SRPK1: variants seen among roughly 807,000 people sequenced by gnomAD.
SRPK1 encodes SRSF protein kinase 1.
SRPK1 carries 52 observed loss-of-function variants against 89.5 expected under a neutral mutation model. The observed-to-expected ratio is 0.58, with a 90% CI of 0.46 to 0.73. The LOEUF (loss-of-function observed/expected upper bound fraction) is 0.73. Among genes scored for constraint, SRPK1 ranks in the 30% least tolerant of loss-of-function variants. SRPK1 has a pLI of 0.00. For synonymous variants in SRPK1, 255 were observed against 270.2 expected, an observed-to-expected ratio of 0.94 and a Z score of 0.55; for missense variants, 603 against 780.6, an observed-to-expected ratio of 0.77 and a Z score of 2.71.
chr6:35,913,419 G>A (rs553015276), intron 2 of SRPK1, among the ~76,000 whole-genome samples: 3 of 152,182 alleles, frequency 2.0e-5, no homozygotes, highest in Admixed American at 1.3e-4. Context: ...ACTCCAACTC[G>A]GGAGGTGGAG....
At chr6:35,902,711 T>C (rs1770769725) in intron 2 of SRPK1, among the ~76,000 whole-genome samples, 1 of 152,250 alleles carries the variant, frequency 6.6e-6, no homozygotes, top group African/African-American at 2.4e-5. Context: ...AAGCTCTTTT[T>C]GATAAACAGC....
chr6:35,884,635 C>T (rs766345692), intron 6 of SRPK1, among the ~76,000 whole-genome samples: 1 of 152,062 alleles, frequency 6.6e-6, no homozygotes, highest in Non-Finnish European at 1.5e-5. Flanking sequence ...TGGCTAAGAA[C>T]AAATGGAGAA....
At chr6:35,886,264 G>A (rs1485778212) in intron 6 of SRPK1, among the ~76,000 whole-genome samples, 1 of 151,856 alleles carries the variant, frequency 6.6e-6, no homozygotes, top group African/African-American at 2.4e-5. Flanking sequence ...TATTTTGGTA[G>A]AAACAGAGTT....
intron 6 of SRPK1, among the ~76,000 whole-genome samples, chr6:35,880,968 C>G (rs1416436147): frequency 6.6e-6 from 1 of 151,832 alleles, no homozygotes; most frequent in Admixed American, 6.6e-5. Flanking sequence ...TCTTCACATA[C>G]AAGGGATCCT....
chr6:35,878,952 G>A (rs1387902489), intron 6 of SRPK1, among the ~76,000 whole-genome samples: 2 of 152,096 alleles, frequency 1.3e-5, no homozygotes, highest in Non-Finnish European at 2.9e-5. Context: ...TTAGCCAGGT[G>A]TGGTGGCATG....
intron 13 of SRPK1, among the ~76,000 whole-genome samples, chr6:35,854,471 C>T (rs1370155781): frequency 2.0e-5 from 3 of 152,032 alleles, no homozygotes; most frequent in Non-Finnish European, 2.9e-5. Flanking sequence ...TTTTCTATGT[C>T]GACTGGCAAA....
At chr6:35,894,653 G>A (rs1770593185) in intron 2 of SRPK1, among the ~76,000 whole-genome samples, 1 of 152,064 alleles carries the variant, frequency 6.6e-6, no homozygotes, top group South Asian at 2.1e-4. Flanking sequence ...AAAGCTAGAA[G>A]GGCAGTAATT....
intron 8 of SRPK1, 52 bp from the exon 9 acceptor site, chr6:35,871,011 A>C: frequency 2.0e-6 from 3 of 1,509,736 alleles, no homozygotes; most frequent in Non-Finnish European, 2.7e-6. Flanking sequence ...CAGGCAATAT[A>C]AACTAAGGCT....
At chr6:35,850,931 C>T (rs546006445) in intron 13 of SRPK1, among the ~76,000 whole-genome samples, 43 of 152,114 alleles carry the variant, frequency 2.8e-4, no homozygotes, top group African/African-American at 8.9e-4. Context: ...ATGAGCTTCA[C>T]AAGACTAGGG....
chr6:35,920,480 T>C lies in SRPK1; in HGVS notation c.62A>G (p.Lys21Arg), dbSNP rs775354220. 12 of 1,613,038 alleles carry C rather than the reference T, an allele frequency of 7.4e-6. No individual in the cohort carries two copies. Among genetic ancestry groups the C allele is most frequent in the African/African-American group, 1.3e-5 (1 of 74,898 alleles). Residue 21 changes from lysine to arginine, a missense_variant, in exon 2 of 16, where the codon AAA becomes AGA. Transcript: ENST00000373825. ...RKKRTKAKKD[K>R]AQRKSETQHR... ...GTACAAGACTCACTTCCTTTGGGCT[T>C]TGTCCTTCTTGGCCTTGGTCCTTTT...
chr6:35,888,246 T>C, intron 4 of SRPK1, 135 bp from the exon 5 acceptor site: 1 of 501,444 alleles, frequency 2.0e-6, no homozygotes, highest in Non-Finnish European at 3.5e-6. Context: ...GCTACTTCTA[T>C]GGGAACATTT....
At chr6:35,920,967 G>A in intron 1 of SRPK1, 77 bp downstream of exon 1, 2 of 1,482,206 alleles carry the variant, frequency 1.3e-6, no homozygotes, top group Non-Finnish European at 1.8e-6. Flanking sequence ...CGGCAGTTAA[G>A]CGAAGCTCCC....
chr6:35,889,422 C>G (rs1011045099), intron 3 of SRPK1, among the ~76,000 whole-genome samples: 1 of 151,476 alleles, frequency 6.6e-6, no homozygotes, highest in Non-Finnish European at 1.5e-5. Flanking sequence ...CCAAGGAGGG[C>G]GGATCATTTG....
chr6:35,877,387 T>C (rs536796408), intron 6 of SRPK1, among the ~76,000 whole-genome samples: 1 of 152,196 alleles, frequency 6.6e-6, no homozygotes, highest in Non-Finnish European at 1.5e-5. Context: ...ACAATGTGAT[T>C]ACCAGGTAGT....
At chr6:35,850,854 G>C (rs1769539362) in intron 13 of SRPK1, among the ~76,000 whole-genome samples, 1 of 152,210 alleles carries the variant, frequency 6.6e-6, no homozygotes, top group Admixed American at 6.5e-5. Flanking sequence ...CATCTCTAAA[G>C]AGATTATGTT....
At position 35,857,264 on chromosome 6, in the gene SRPK1, G is replaced by A. The variant is rs780378379; in HGVS notation, c.1617C>T (p.Cys539=). 4 of 1,609,028 alleles carry A rather than the reference G, an allele frequency of 2.5e-6. No homozygotes were observed. The South Asian group carries it at 3.3e-5, about 13-fold the overall frequency. The change falls in exon 13 of 16, where the codon TGC becomes TGT. Residue 539 remains cysteine, a synonymous_variant. Coordinates refer to ENST00000373825, the MANE Select transcript of SRPK1 (RefSeq NM_003137.5). ...NTPADIWSTA[C]MAFELATGDY... ...AGCCAAGGGGAAAAAACATTACCAT[G>A]CATGCCGTGCTCCAAATGTCAGCAG...
intron 7 of SRPK1, 60 bp from the exon 8 acceptor site, chr6:35,872,788 A>C (rs1770060734): frequency 1.4e-6 from 2 of 1,431,782 alleles, no homozygotes; most frequent in Non-Finnish European, 1.9e-6. Context: ...TGGAGAAGTA[A>C]GAGATTATAA....
intron 11 of SRPK1, 54 bp downstream of exon 11, chr6:35,869,428 T>G: frequency 6.4e-7 from 1 of 1,553,022 alleles, no homozygotes; most frequent in Non-Finnish European, 8.8e-7. Context: ...TCTAGAAATC[T>G]GTGAATGTGT....
chr6:35,880,751 G>GAAAAAAAAA (rs1770266361), intron 6 of SRPK1, among the ~76,000 whole-genome samples: 2 of 40,028 alleles, frequency 5.0e-5, no homozygotes, highest in Non-Finnish European at 9.0e-5. Context: ...AAAAAAAAAA[G>GAAAAAAAAA]AAAAGAAAAG....
Sources: allele counts gnomAD v4.1 joint callset (sites outside exome capture counted in the v4.1 genomes callset), GRCh38; gene constraint gnomAD v4.1.1; transcripts MANE v1.5; gene names NCBI Gene and HGNC (gene_info 2026-07-23, HGNC 2026-07-21).